RALGPS1: variants seen among roughly 807,000 people sequenced by gnomAD.
RALGPS1 encodes the protein ras-specific guanine nucleotide-releasing factor RalGPS1.
RALGPS1 carries 19 observed loss-of-function variants against 78.8 expected under a neutral mutation model. The observed-to-expected ratio is 0.24, with a 90% CI of 0.17 to 0.35. RALGPS1 has a LOEUF of 0.35. Ranked by LOEUF, RALGPS1 falls within the 10% of genes least tolerant of loss-of-function variation. RALGPS1 has a pLI of 1.00. For missense variants in RALGPS1, 454 were observed against 688.3 expected, an observed-to-expected ratio of 0.66 and a Z score of 3.81; for synonymous variants, 228 against 256.3, an observed-to-expected ratio of 0.89 and a Z score of 1.06.
chr9:126,994,279 G>GA (rs60890580), intron 4 of RALGPS1, among the ~76,000 whole-genome samples: 1 of 151,506 alleles, frequency 6.6e-6, no homozygotes, highest in African/African-American at 2.4e-5. Flanking sequence ...TAAAAGCTTT[G>GA]AAAAAAAAAT....
intron 1 of RALGPS1, among the ~76,000 whole-genome samples, chr9:126,958,142 A>AAAAAAAAAAAAATATAT (rs113413659): frequency 6.5e-5 from 5 of 77,096 alleles, no homozygotes; most frequent in Admixed American, 1.5e-4. Flanking sequence ...AAAAAAAAAA[A>AAAAAAAAAAAAATATAT]ATATATATAT....
intron 4 of RALGPS1, among the ~76,000 whole-genome samples, chr9:126,985,141 A>AGATCT (rs1308257659): frequency 1.3e-5 from 2 of 152,224 alleles, no homozygotes; most frequent in East Asian, 3.8e-4. Context: ...GGCAGTGTGC[A>AGATCT]GATCTGAGCT....
At chr9:126,975,845 T>C (rs1484796067) in intron 3 of RALGPS1, among the ~76,000 whole-genome samples, 1 of 152,170 alleles carries the variant, frequency 6.6e-6, no homozygotes, top group East Asian at 1.9e-4. Context: ...AGAGCTCAGA[T>C]TCCGCTCCAG....
chr9:127,000,954 A>G (rs61130994), intron 4 of RALGPS1, among the ~76,000 whole-genome samples: 110,027 of 151,518 alleles, frequency 0.73, 40,160 homozygotes, highest in East Asian at 0.82. Flanking sequence ...GTCAATCTTG[A>G]TAAATGTTTG....
intron 14 of RALGPS1, among the ~76,000 whole-genome samples, chr9:127,207,314 A>G (rs1366387724): frequency 2.0e-5 from 3 of 152,110 alleles, no homozygotes; most frequent in Non-Finnish European, 2.9e-5. Flanking sequence ...GGTTCCCACA[A>G]GCTCCTGGTC....
chr9:127,078,806 C>G (rs559236647), intron 8 of RALGPS1, among the ~76,000 whole-genome samples: 3 of 152,298 alleles, frequency 2.0e-5, no homozygotes, highest in South Asian at 4.1e-4. Context: ...GACTATTCCT[C>G]TTTGACTTCC....
intron 5 of RALGPS1, among the ~76,000 whole-genome samples, chr9:127,046,082 T>A (rs1589189335): frequency 6.6e-6 from 1 of 152,100 alleles, no homozygotes; most frequent in South Asian, 2.1e-4. Flanking sequence ...CTGAAAGAAC[T>A]CTCAAAGGCC....
intron 4 of RALGPS1, among the ~76,000 whole-genome samples, chr9:127,017,222 C>G (rs1031719430): frequency 6.6e-6 from 1 of 152,128 alleles, no homozygotes; most frequent in African/African-American, 2.4e-5. Flanking sequence ...TTACACAAAC[C>G]TAGGTGGCAT....
intron 4 of RALGPS1, among the ~76,000 whole-genome samples, chr9:127,032,880 A>G (rs2046546167): frequency 6.6e-6 from 1 of 152,248 alleles, no homozygotes; most frequent in Non-Finnish European, 1.5e-5. Context: ...CATCAGAACA[A>G]GAAGAATCAT....
chr9:126,985,353 A>G (rs1008025614), intron 4 of RALGPS1, among the ~76,000 whole-genome samples: 1 of 152,262 alleles, frequency 6.6e-6, no homozygotes, highest in Non-Finnish European at 1.5e-5. Context: ...CATCATCTAC[A>G]GACCTATGAG....
rs2059066136 is a variant in RALGPS1, at chr9:127,162,308, TGC to T, written c.611-3760_611-3759del. 2.0e-5 allele frequency among the ~76,000 whole-genome samples: 3 copies of T among 152,178 alleles called. No homozygotes were observed. In the South Asian group the frequency reaches 6.2e-4, roughly 31 times the overall value. On this transcript the variant is annotated intron_variant, in intron 8 of 18. Coordinates refer to ENST00000259351, the MANE Select transcript of RALGPS1 (RefSeq NM_014636.3). ...AGTGTCTGTGTGCGGTTGTGGGGTG[TGC>T]CAACTACATGTAGAGCTCAGCACTG...
chr9:126,971,265 G>C (rs980815848), intron 3 of RALGPS1, among the ~76,000 whole-genome samples: 1 of 150,526 alleles, frequency 6.6e-6, no homozygotes, highest in East Asian at 1.9e-4. Context: ...TTAGGAAAAT[G>C]TTCATGATAT....
intron 11 of RALGPS1, among the ~76,000 whole-genome samples, chr9:127,192,351 C>T (rs2061112605): frequency 6.6e-6 from 1 of 152,236 alleles, no homozygotes; most frequent in South Asian, 2.1e-4. Flanking sequence ...GACTGGGCAA[C>T]CCACAGTGCC....
chr9:127,067,018 C>A (rs1044765173), intron 7 of RALGPS1, among the ~76,000 whole-genome samples: 1 of 152,090 alleles, frequency 6.6e-6, no homozygotes, highest in Non-Finnish European at 1.5e-5. Flanking sequence ...TACTATATCT[C>A]TCTCCTGTGT....
At chr9:126,967,744 C>A (rs553134270) in intron 3 of RALGPS1, among the ~76,000 whole-genome samples, 63 of 152,096 alleles carry the variant, frequency 4.1e-4, no homozygotes, top group African/African-American at 1.5e-3. Context: ...CACTGTGTTG[C>A]TGTGGCTGGT....
At chr9:127,136,523 C>T (rs2057403922) in intron 8 of RALGPS1, among the ~76,000 whole-genome samples, 1 of 152,188 alleles carries the variant, frequency 6.6e-6, no homozygotes, top group Admixed American at 6.5e-5. Flanking sequence ...GACTGTGTGC[C>T]TTGGGAGAGC....
chr9:126,979,229 T>G (rs2040981560), intron 4 of RALGPS1, among the ~76,000 whole-genome samples: 1 of 138,582 alleles, frequency 7.2e-6, no homozygotes, highest in Non-Finnish European at 1.6e-5. Context: ...TTATTTGTAT[T>G]ATTGTATTAT....
At chr9:127,172,333 T>TC (rs2059609339) in intron 10 of RALGPS1, among the ~76,000 whole-genome samples, 1 of 152,164 alleles carries the variant, frequency 6.6e-6, no homozygotes, top group Non-Finnish European at 1.5e-5. Context: ...ATTTTTTTTT[T>TC]CCTCTTGTTA....
chr9:126,960,241 C>CT lies in RALGPS1; in HGVS notation c.-65-1971dup, dbSNP rs35409028. On this transcript the variant is annotated intron_variant, in intron 1 of 18. Coordinates refer to ENST00000259351, the MANE Select transcript of RALGPS1 (RefSeq NM_014636.3). ...CCTCCCTTCCTTCCTTCCTTTCTTC[C>CT]TTTTTTTTTTTTTGATGGAATCTTG... Among the ~76,000 whole-genome samples the CT allele has an allele frequency of 1.5e-3, 164 of 109,964 alleles. 3 individuals carry two copies. Among genetic ancestry groups the CT allele is most frequent in the African/African-American group, 4.3e-3 (125 of 28,810 alleles). The allele number at this position is 109,964 out of a possible 152,430, so 72.1% of individuals were successfully genotyped here. A position where few individuals can be genotyped will look rare whatever the true frequency, so the allele number is the denominator to read the frequency against.
Sources: gnomAD v4.1 joint callset for allele counts (sites outside exome capture counted in the v4.1 genomes callset) on GRCh38, gnomAD v4.1.1 for gene constraint, MANE v1.5 for transcripts, NCBI Gene and HGNC (gene_info 2026-07-23, HGNC 2026-07-21) for gene names.